Variants in LRP1B observed in about 807,000 individuals in gnomAD.
LRP1B encodes the protein low-density lipoprotein receptor-related protein 1B.
A neutral mutation model predicts 556.6 loss-of-function variants in LRP1B; 217 were observed. The ratio of observed to expected loss-of-function variants is 0.39; its 90% CI spans 0.35 to 0.44. The LOEUF (loss-of-function observed/expected upper bound fraction) is 0.44. Ranked by LOEUF, LRP1B falls within the 20% of genes least tolerant of loss-of-function variation. The pLI is 1.00. For synonymous variants in LRP1B, 2,047 were observed against 1,865.8 expected, an observed-to-expected ratio of 1.10 and a Z score of -2.50; for missense variants, 5,053 against 5,620.8, an observed-to-expected ratio of 0.90 and a Z score of 3.23.
intron 18 of LRP1B, among the ~76,000 whole-genome samples, chr2:140,960,503 A>G (rs1234599528): frequency 6.6e-6 from 1 of 151,848 alleles, no homozygotes; most frequent in Non-Finnish European, 1.5e-5. Context: ...AAACTAGCAC[A>G]TTTTAAAAAC....
At chr2:141,339,832 G>C (rs368338252) in intron 3 of LRP1B, among the ~76,000 whole-genome samples, 3 of 151,896 alleles carry the variant, frequency 2.0e-5, no homozygotes, top group African/African-American at 7.3e-5. Flanking sequence ...TCTGTTACAT[G>C]GACATATTGT....
At chr2:141,519,360 GATATATATAT>G (rs60473210) in intron 2 of LRP1B, among the ~76,000 whole-genome samples, 2,196 of 68,176 alleles carry the variant, frequency 0.032, 63 homozygotes, top group African/African-American at 0.054. Flanking sequence ...TTAAGTCAAT[GATATATATAT>G]ATATATATAT....
chr2:142,106,552 C>A (rs940492944), intron 1 of LRP1B, among the ~76,000 whole-genome samples: 4 of 152,096 alleles, frequency 2.6e-5, no homozygotes, highest in Non-Finnish European at 5.9e-5. Context: ...ATCTATACTC[C>A]ATTATAAATT....
chr2:141,923,470 GTGTGTGTGTGTGTGTGT>G (rs1177476091), intron 1 of LRP1B, among the ~76,000 whole-genome samples: 6 of 121,026 alleles, frequency 5.0e-5, no homozygotes, highest in Admixed American at 3.8e-4. Flanking sequence ...GTGTGTGTGT[GTGTGTGTGTGTGTGTGT>G]AGAGAGAGGG....
chr2:140,858,430 A>G (rs958079812), intron 27 of LRP1B, among the ~76,000 whole-genome samples: 4 of 150,732 alleles, frequency 2.7e-5, no homozygotes, highest in African/African-American at 9.7e-5. Context: ...ATGTACGTGT[A>G]TAACCTCTAT....
intron 53 of LRP1B, among the ~76,000 whole-genome samples, chr2:140,505,131 A>G (rs917984628): frequency 3.3e-5 from 5 of 152,220 alleles, no homozygotes; most frequent in Non-Finnish European, 4.4e-5. Flanking sequence ...AAACACATAT[A>G]GAATTTACTG....
intron 66 of LRP1B, among the ~76,000 whole-genome samples, chr2:140,408,740 C>G (rs867901523): frequency 1.3e-5 from 2 of 151,874 alleles, no homozygotes; most frequent in Non-Finnish European, 2.9e-5. Flanking sequence ...ACCCTAAACC[C>G]TAAAGCTGCA....
At chr2:141,059,425 T>C (rs1699277196) in intron 8 of LRP1B, among the ~76,000 whole-genome samples, 1 of 151,772 alleles carries the variant, frequency 6.6e-6, no homozygotes, top group South Asian at 2.1e-4. Context: ...TACTTGTTTA[T>C]ATAATAATGG....
chr2:140,854,481 A>G (rs998404483), intron 27 of LRP1B, among the ~76,000 whole-genome samples: 2 of 152,148 alleles, frequency 1.3e-5, no homozygotes, highest in African/African-American at 4.8e-5. Flanking sequence ...ATCTCTTCTC[A>G]CTTTCAAGGA....
intron 2 of LRP1B, among the ~76,000 whole-genome samples, chr2:141,767,526 A>G (rs1208610398): frequency 6.6e-6 from 1 of 152,070 alleles, no homozygotes; most frequent in Non-Finnish European, 1.5e-5. Context: ...TAGACCGTTC[A>G]TTTCTTTCCC....
intron 3 of LRP1B, among the ~76,000 whole-genome samples, chr2:141,456,545 A>T (rs541273995): frequency 6.6e-5 from 10 of 152,338 alleles, no homozygotes; most frequent in African/African-American, 2.4e-4. Flanking sequence ...CACACCTATT[A>T]CATGGGCAAA....
chr2:140,942,708 A>G (rs1205951015), intron 20 of LRP1B, among the ~76,000 whole-genome samples: 2 of 94,634 alleles, frequency 2.1e-5, no homozygotes, highest in African/African-American at 5.6e-5. Context: ...TGAAGGAGAA[A>G]TAAATTTTTT....
chr2:140,291,320 T>TATATATATATATATACATATA (rs745524571), intron 84 of LRP1B, among the ~76,000 whole-genome samples: 1 of 51,856 alleles, frequency 1.9e-5, no homozygotes, highest in South Asian at 8.2e-4. Flanking sequence ...ATATATATAT[T>TATATATATATATATACATATA]TTTATTATAC....
At chr2:142,126,947 T>C (rs1024421244) in intron 1 of LRP1B, among the ~76,000 whole-genome samples, 3 of 151,884 alleles carry the variant, frequency 2.0e-5, no homozygotes, top group South Asian at 2.1e-4. Context: ...ACTAATGTCC[T>C]GGATCCAATA....
At chr2:140,453,193 C>T (rs951888022) in intron 62 of LRP1B, among the ~76,000 whole-genome samples, 4 of 151,394 alleles carry the variant, frequency 2.6e-5, no homozygotes, top group African/African-American at 9.7e-5. Flanking sequence ...CTAAATGAAC[C>T]CAATTTAAAT....
At chr2:141,756,725 T>C (rs1358148848) in intron 2 of LRP1B, among the ~76,000 whole-genome samples, 1 of 152,128 alleles carries the variant, frequency 6.6e-6, no homozygotes, top group Non-Finnish European at 1.5e-5. Context: ...GTGTTACAGC[T>C]GCCTACAGTG....
At chr2:141,357,247 G>C (rs1313432487) in intron 3 of LRP1B, among the ~76,000 whole-genome samples, 9 of 151,898 alleles carry the variant, frequency 5.9e-5, no homozygotes, top group Admixed American at 5.2e-4. Flanking sequence ...GTAGAGGTGG[G>C]TTTTCACCGT....
rs367689885 is a variant in LRP1B at position 141,315,460 on chromosome 2, C to T, written c.344-60819G>A. 5.5e-3 allele frequency among the ~76,000 whole-genome samples: 835 copies of T among 151,516 alleles called. 8 individuals carry two copies. Among genetic ancestry groups the T allele is most frequent in the African/African-American group, 0.019 (770 of 41,354 alleles). On this transcript the variant is annotated intron_variant, in intron 3 of 90. Transcript: ENST00000389484. Reference sequence around the variant, plus strand: ...ATTTTTAGTAGAGACAGGGTTTCACCGTGTTAGCCAGGATGGTCTCTGTCT... The same window carrying T: ...ATTTTTAGTAGAGACAGGGTTTCACTGTGTTAGCCAGGATGGTCTCTGTCT...
intron 2 of LRP1B, among the ~76,000 whole-genome samples, chr2:141,740,536 G>A (rs1257873164): frequency 3.3e-5 from 5 of 152,126 alleles, no homozygotes; most frequent in African/African-American, 7.2e-5. Flanking sequence ...TAATAATCAC[G>A]AGGGTAAACA....
Sources: gnomAD v4.1 joint callset for allele counts (sites outside exome capture counted in the v4.1 genomes callset) on GRCh38, gnomAD v4.1.1 for gene constraint, MANE v1.5 for transcripts, NCBI Gene and HGNC (gene_info 2026-07-23, HGNC 2026-07-21) for gene names.